KPNA5: variants seen among roughly 807,000 people sequenced by gnomAD.
KPNA5 encodes the protein importin subunit alpha-6.
Under a neutral mutation model 71.3 loss-of-function variants are expected in KPNA5, and 46 were observed. That is an observed-to-expected ratio of 0.65 (90% CI 0.51 to 0.83). The LOEUF is 0.83. Among genes scored for constraint, KPNA5 ranks in the 40% least tolerant of loss-of-function variants. KPNA5 has a pLI of 0.00. For synonymous variants in KPNA5, 207 were observed against 201.4 expected, an observed-to-expected ratio of 1.03 and a Z score of -0.24; for missense variants, 547 against 628.3, an observed-to-expected ratio of 0.87 and a Z score of 1.38.
chr6:116,681,550 G>A (rs754075708), intron 1 of KPNA5: 152 of 1,339,238 alleles, frequency 1.1e-4, no homozygotes, highest in Non-Finnish European at 1.4e-4. Flanking sequence ...ACGCGAAGGC[G>A]TGGTGAGTTC....
chr6:116,696,251 G>C (rs1049976133), intron 4 of KPNA5, among the ~76,000 whole-genome samples: 1 of 152,138 alleles, frequency 6.6e-6, no homozygotes, highest in African/African-American at 2.4e-5. Flanking sequence ...GGAGTTAATA[G>C]ATGTTTTCTT....
intron 10 of KPNA5, among the ~76,000 whole-genome samples, 178 bp from the exon 11 acceptor site, chr6:116,725,573 G>T (rs1484608153): frequency 6.6e-6 from 1 of 152,152 alleles, no homozygotes; most frequent in African/African-American, 2.4e-5. Context: ...AGTGGCAGGA[G>T]ACTAGGTTTA....
chr6:116,710,889 ATATATTTT>A (rs1778640787), intron 7 of KPNA5, among the ~76,000 whole-genome samples: 1 of 68,824 alleles, frequency 1.5e-5, no homozygotes, highest in African/African-American at 1.0e-4. Flanking sequence ...ATATATATAT[ATATATTTT>A]TTTTTTTTTT....
chr6:116,701,938 C>G, intron 5 of KPNA5, 81 bp from the exon 6 acceptor site: 2 of 1,347,576 alleles, frequency 1.5e-6, no homozygotes, highest in Non-Finnish European at 2.0e-6. Flanking sequence ...CCTGGCAGGT[C>G]TTTACTCCCT....
At chr6:116,727,895 G>A (rs1472191826) in intron 12 of KPNA5, among the ~76,000 whole-genome samples, 1 of 152,042 alleles carries the variant, frequency 6.6e-6, no homozygotes, top group Non-Finnish European at 1.5e-5. Context: ...CATGAAACTA[G>A]ACTTCTTAGA....
intron 4 of KPNA5, among the ~76,000 whole-genome samples, chr6:116,694,348 A>G (rs914562550): frequency 6.6e-6 from 1 of 152,126 alleles, no homozygotes; most frequent in East Asian, 1.9e-4. Flanking sequence ...TTTTCATGAT[A>G]TTGATTCTTC....
At chr6:116,710,129 GT>G (rs1208594684) in intron 7 of KPNA5, among the ~76,000 whole-genome samples, 1 of 151,928 alleles carries the variant, frequency 6.6e-6, no homozygotes, top group African/African-American at 2.4e-5. Flanking sequence ...GAGATAACTT[GT>G]TTTTTTAAAT....
In KPNA5 at chr6:116,732,119, T is replaced by TATATATATATATAC. The variant is rs1779519152; in HGVS notation, c.1433-14_1433-13insTATATATATACATA. On this transcript the variant is annotated splice_polypyrimidine_tract_variant and intron_variant, in intron 13 of 13. Transcript: ENST00000368564. ...ATATATATATATATATATATATATA[T>TATATATATATATAC]ATACTTTGTATAACAGGTCTGGATA... 2.0e-6 allele frequency: 1 copy of TATATATATATATAC among 502,736 alleles called. No homozygotes were observed. The highest frequency in any genetic ancestry group is 3.2e-6 in the Non-Finnish European group (1 of 308,796). The allele number at this position is 502,736 out of a possible 1,614,324, so 31.1% of individuals were successfully genotyped here.
chr6:116,722,179 T>C lies in KPNA5; in HGVS notation c.810T>C (p.Asp270=). The C allele has an allele frequency of 6.2e-7, 1 of 1,612,822 alleles. No homozygotes were observed. The highest frequency in any genetic ancestry group is 1.3e-5 in the African/African-American group (1 of 75,044). ...GACTGTTGTTTAGCAGTGACCCAGA[T>C]GTGTTAGCAGACGTGTGTTGGGCCC... ...LSRLLFSSDP[D]VLADVCWALS... The change falls in exon 9 of 14, where the codon GAT becomes GAC. Residue 270 remains aspartate, a synonymous_variant. Coordinates refer to ENST00000368564, the MANE Select transcript of KPNA5 (RefSeq NM_001366306.2).
At chr6:116,722,948 A>G (rs1779165360) in intron 9 of KPNA5, among the ~76,000 whole-genome samples, 1 of 152,150 alleles carries the variant, frequency 6.6e-6, no homozygotes, top group African/African-American at 2.4e-5. Flanking sequence ...TGGCACAAAG[A>G]TAGGTCTGAT....
At chr6:116,686,612 C>CTT (rs1326790583) in intron 1 of KPNA5, among the ~76,000 whole-genome samples, 1 of 152,128 alleles carries the variant, frequency 6.6e-6, no homozygotes, top group Non-Finnish European at 1.5e-5. Flanking sequence ...GATGAAATCT[C>CTT]TGACTATTCC....
At position 116,723,058 on chromosome 6, in the gene KPNA5, T is replaced by G. The variant is rs544229345; in HGVS notation, c.920+769T>G. 1.5e-3 allele frequency among the ~76,000 whole-genome samples: 229 copies of G among 152,120 alleles called. 2 individuals carry two copies. Among genetic ancestry groups the G allele is most frequent in the Non-Finnish European group, 4.3e-4 (29 of 68,008 alleles). ...GCCCCAACTTGATAATGACACCCAC[T>G]GGGGTGAGCAGATAAGCAGGCTGGA... On this transcript the variant is annotated intron_variant, in intron 9 of 13. Transcript: ENST00000368564.
chr6:116,733,924 G>A lies in KPNA5; in HGVS notation c.*1601G>A, dbSNP rs1384962461. The A allele has an allele frequency of 3.3e-5, 5 of 151,610 alleles. No individual in the cohort carries two copies. Among genetic ancestry groups the A allele is most frequent in the African/African-American group, 1.2e-4 (5 of 41,358 alleles). The allele number at this position is 151,610 out of a possible 1,614,324, so 9.4% of individuals were successfully genotyped here. A position where few individuals can be genotyped will look rare whatever the true frequency, so the allele number is the denominator to read the frequency against. On this transcript the variant is annotated 3_prime_UTR_variant, in exon 14 of 14. Coordinates refer to ENST00000368564, the MANE Select transcript of KPNA5 (RefSeq NM_001366306.2). ...TGTAAATTACATATCATGAAACTAA[G>A]CTTTTGACAAGATACTTAAAACCTA...
Position 116,724,393 on chromosome 6 carries a change from TATC to T in KPNA5, c.999+21_999+23del, listed in dbSNP as rs1409580182. On this transcript the variant is annotated intron_variant, in intron 10 of 13. Coordinates refer to ENST00000368564, the MANE Select transcript of KPNA5 (RefSeq NM_001366306.2). ...AAACACAGGTGAGTTCAAACTTGAG[TATC>T]ATAAATTGTTAACATAAAGGACTTT... The T allele has an allele frequency of 1.3e-6, 2 of 1,555,236 alleles. No homozygotes were observed. Among genetic ancestry groups the T allele is most frequent in the Non-Finnish European group, 1.8e-6 (2 of 1,128,946 alleles).
chr6:116,730,649 T>C (rs1583450141), intron 13 of KPNA5, among the ~76,000 whole-genome samples: 1 of 152,214 alleles, frequency 6.6e-6, no homozygotes, highest in East Asian at 1.9e-4. Flanking sequence ...TTGCTGACAG[T>C]GTCACTGGCA....
At chr6:116,696,032 C>A (rs1331030355) in intron 4 of KPNA5, among the ~76,000 whole-genome samples, 1 of 152,028 alleles carries the variant, frequency 6.6e-6, no homozygotes, top group Non-Finnish European at 1.5e-5. Flanking sequence ...TTTTTTTAAG[C>A]CTTTATATGT....
intron 4 of KPNA5, among the ~76,000 whole-genome samples, chr6:116,697,079 A>C (rs1284296649): frequency 6.6e-6 from 1 of 152,044 alleles, no homozygotes; most frequent in African/African-American, 2.4e-5. Flanking sequence ...CATAAAGAGC[A>C]AGACAAAATT....
intron 7 of KPNA5, among the ~76,000 whole-genome samples, chr6:116,711,811 G>T (rs1389107143): frequency 6.6e-6 from 1 of 152,222 alleles, no homozygotes; most frequent in East Asian, 1.9e-4. Flanking sequence ...TAGTAGAAAT[G>T]AGGTTTTGCC....
At chr6:116,725,636 C>G in intron 10 of KPNA5, 115 bp from the exon 11 acceptor site, 1 of 956,158 alleles carries the variant, frequency 1.0e-6, no homozygotes, top group Non-Finnish European at 1.5e-6. Flanking sequence ...GGAATTTCTC[C>G]TTTCTTAATT....
Sources: allele counts gnomAD v4.1 joint callset (sites outside exome capture counted in the v4.1 genomes callset), GRCh38; gene constraint gnomAD v4.1.1; transcripts MANE v1.5; gene names NCBI Gene and HGNC (gene_info 2026-07-23, HGNC 2026-07-21).